Variants in LUZP2 observed in about 807,000 individuals in gnomAD.
The protein encoded by LUZP2 is leucine zipper protein 2.
LUZP2 carries 52 observed loss-of-function variants against 51.6 expected under a neutral mutation model. The ratio of observed to expected loss-of-function variants is 1.01; its 90% confidence interval spans 0.81 to 1.27. The LOEUF (loss-of-function observed/expected upper bound fraction) is 1.27, where lower values mean the gene tolerates loss of function less well. Ranked by LOEUF, LUZP2 falls within the 50% of genes most tolerant of loss-of-function variation. The pLI, the probability that LUZP2 is intolerant of heterozygous loss-of-function variation, is 0.00. For synonymous variants in LUZP2, 154 were observed against 137.3 expected (o/e 1.12, Z -0.85); for missense variants, 436 against 395.4 (o/e 1.10, Z -0.87).
chr11:24,556,004 G>T (rs1285987000), intron 1 of LUZP2, among the ~76,000 whole-genome samples: 1 of 152,008 alleles, frequency 6.6e-6, no homozygotes, highest in Non-Finnish European at 1.5e-5. Context: ...TCTGAAATTA[G>T]CTTCCATTAC....
intron 9 of LUZP2, among the ~76,000 whole-genome samples, chr11:25,027,227 A>G (rs1857518046): frequency 6.6e-6 from 1 of 152,178 alleles, no homozygotes. Flanking sequence ...ATATTATTAT[A>G]CACATTTATT....
At chr11:24,708,556 C>T (rs1021745368) in intron 1 of LUZP2, among the ~76,000 whole-genome samples, 1 of 152,170 alleles carries the variant, frequency 6.6e-6, no homozygotes, top group African/African-American at 2.4e-5. Flanking sequence ...ATACTAGGCA[C>T]AGCGAGTATA....
At chr11:25,064,799 G>A (rs911609068) in intron 10 of LUZP2, among the ~76,000 whole-genome samples, 1 of 151,988 alleles carries the variant, frequency 6.6e-6, no homozygotes, top group Non-Finnish European at 1.5e-5. Flanking sequence ...AACAGAATAT[G>A]CCTAGCCCTT....
chr11:24,995,052 C>A (rs187343376), intron 9 of LUZP2, among the ~76,000 whole-genome samples: 48 of 152,234 alleles, frequency 3.2e-4, no homozygotes, highest in African/African-American at 1.1e-3. Flanking sequence ...AATTGTATAA[C>A]TGTTATAACC....
At chr11:24,702,625 G>A (rs1242724975) in intron 1 of LUZP2, among the ~76,000 whole-genome samples, 1 of 152,130 alleles carries the variant, frequency 6.6e-6, no homozygotes, top group Non-Finnish European at 1.5e-5. Flanking sequence ...CTAAATGAGT[G>A]AGGCCTCACT....
At chr11:24,902,509 C>T (rs1853312154) in intron 5 of LUZP2, among the ~76,000 whole-genome samples, 1 of 152,038 alleles carries the variant, frequency 6.6e-6, no homozygotes, top group Non-Finnish European at 1.5e-5. Context: ...TTAAATGGTT[C>T]TATGGAACAT....
intron 1 of LUZP2, among the ~76,000 whole-genome samples, chr11:24,653,765 G>C (rs1325682996): frequency 1.1e-4 from 16 of 152,134 alleles, no homozygotes; most frequent in Admixed American, 1.0e-3. Flanking sequence ...AAAGTGATCC[G>C]TTCCCAGAAG....
At chr11:24,913,081 A>G (rs540303953) in intron 6 of LUZP2, among the ~76,000 whole-genome samples, 9 of 152,192 alleles carry the variant, frequency 5.9e-5, no homozygotes, top group Non-Finnish European at 1.2e-4. Context: ...AGATTTATCT[A>G]GTTTAAGTGT....
chr11:24,780,908 G>A (rs769044114), intron 5 of LUZP2, among the ~76,000 whole-genome samples: 1 of 152,048 alleles, frequency 6.6e-6, no homozygotes, highest in African/African-American at 2.4e-5. Flanking sequence ...AGCTAGCTAG[G>A]CCTTGCCAAA....
At chr11:24,958,200 C>A (rs1219310060) in intron 7 of LUZP2, among the ~76,000 whole-genome samples, 7 of 152,118 alleles carry the variant, frequency 4.6e-5, no homozygotes, top group African/African-American at 1.7e-4. Flanking sequence ...GTGAATAGTG[C>A]CACAATAAAC....
chr11:24,974,299 C>T (rs1388997045), intron 7 of LUZP2, among the ~76,000 whole-genome samples: 1 of 151,960 alleles, frequency 6.6e-6, no homozygotes, highest in Admixed American at 6.6e-5. Context: ...AATTTTCCTC[C>T]ATCCATTTAT....
At chr11:24,875,915 C>A (rs1852244952) in intron 5 of LUZP2, among the ~76,000 whole-genome samples, 1 of 151,132 alleles carries the variant, frequency 6.6e-6, no homozygotes, top group Admixed American at 6.6e-5. Flanking sequence ...TGAGAAGTGT[C>A]TGTTCATGTC....
intron 5 of LUZP2, among the ~76,000 whole-genome samples, chr11:24,871,775 C>A (rs1349822927): frequency 2.0e-5 from 3 of 151,774 alleles, no homozygotes; most frequent in Admixed American, 6.6e-5. Flanking sequence ...TATTTAACAC[C>A]AAATTTGATA....
intron 1 of LUZP2, among the ~76,000 whole-genome samples, chr11:24,535,270 C>T (rs1318864): frequency 0.42 from 63,536 of 151,120 alleles, 13,874 homozygotes; most frequent in African/African-American, 0.52. Context: ...GTTGGGGTAG[C>T]TGTGGCAATT....
intron 1 of LUZP2, among the ~76,000 whole-genome samples, chr11:24,574,702 G>T (rs1416449099): frequency 1.3e-5 from 2 of 151,998 alleles, no homozygotes; most frequent in Non-Finnish European, 2.9e-5. Context: ...AATGTAGTTG[G>T]ATAATATGTG....
chr11:25,065,248 G>T (rs1305609097), intron 10 of LUZP2, among the ~76,000 whole-genome samples: 4 of 151,996 alleles, frequency 2.6e-5, no homozygotes, highest in Non-Finnish European at 4.4e-5. Flanking sequence ...CTGGCACACA[G>T]TCATCACCTG....
At chr11:24,574,821 T>C (rs1195983898) in intron 1 of LUZP2, among the ~76,000 whole-genome samples, 1 of 152,148 alleles carries the variant, frequency 6.6e-6, no homozygotes, top group East Asian at 1.9e-4. Flanking sequence ...GTAAAGACTT[T>C]GCTGAGTTGT....
chr11:24,899,445 A>C (rs2133775918), intron 5 of LUZP2, among the ~76,000 whole-genome samples: 1 of 152,174 alleles, frequency 6.6e-6, no homozygotes, highest in South Asian at 2.1e-4. Context: ...GGTTGTAAAC[A>C]AAACCTGATT....
intron 5 of LUZP2, among the ~76,000 whole-genome samples, chr11:24,884,370 A>G (rs1852599553): frequency 6.6e-6 from 1 of 152,030 alleles, no homozygotes; most frequent in Non-Finnish European, 1.5e-5. Context: ...GATTTAATGA[A>G]TTCTTATATA....
Sources: allele counts gnomAD v4.1 joint callset (sites outside exome capture counted in the v4.1 genomes callset), GRCh38; gene constraint gnomAD v4.1.1; transcripts MANE v1.5; gene names NCBI Gene and HGNC (gene_info 2026-07-23, HGNC 2026-07-21).